Variants in ZNF33B observed in about 807,000 individuals in gnomAD.
The protein encoded by ZNF33B is zinc finger protein 33B, also known as zinc finger protein 11b (KOX 2).
Under a neutral mutation model 45.8 loss-of-function variants are expected in ZNF33B, and 29 were observed. That is an observed-to-expected ratio of 0.63 (90% CI 0.47 to 0.86). The LOEUF (loss-of-function observed/expected upper bound fraction) is 0.86. Among genes scored for constraint, ZNF33B ranks in the 40% least tolerant of loss-of-function variants. The pLI, the probability that ZNF33B is intolerant of heterozygous loss-of-function variation, is 0.00. For missense variants in ZNF33B, 831 were observed against 909.9 expected, an observed-to-expected ratio of 0.91 and a Z score of 1.12; for synonymous variants, 305 against 307.8, an observed-to-expected ratio of 0.99 and a Z score of 0.10.
At chr10:42,617,092 C>CTTTTTTTTTTTTTTTTT (rs199977911) in intron 4 of ZNF33B, among the ~76,000 whole-genome samples, 1 of 61,198 alleles carries the variant, frequency 1.6e-5, no homozygotes, top group Non-Finnish European at 3.1e-5. Flanking sequence ...CATTTTTTCT[C>CTTTTTTTTTTTTTTTTT]TTTTTTTTTT....
chr10:42,599,738 A>T (rs1479776984), intron 4 of ZNF33B, among the ~76,000 whole-genome samples: 2 of 152,072 alleles, frequency 1.3e-5, no homozygotes, highest in Non-Finnish European at 2.9e-5. Context: ...CTACCTTAAA[A>T]AGCTACAAAA....
chr10:42,608,630 A>AAT (rs1837965153), intron 4 of ZNF33B, among the ~76,000 whole-genome samples: 1 of 152,208 alleles, frequency 6.6e-6, no homozygotes, highest in South Asian at 2.1e-4. Flanking sequence ...CTTATGGAAC[A>AAT]CAGATAAAGC....
At chr10:42,635,014 A>G (rs1839223343) in intron 2 of ZNF33B, among the ~76,000 whole-genome samples, 1 of 152,216 alleles carries the variant, frequency 6.6e-6, no homozygotes, top group Non-Finnish European at 1.5e-5. Flanking sequence ...TGGGAAGCCA[A>G]GGCAGGCGAA....
chr10:42,580,964 A>G (rs1048665366), intron 1 of ZNF33B, among the ~76,000 whole-genome samples: 1 of 152,174 alleles, frequency 6.6e-6, no homozygotes, highest in Admixed American at 6.5e-5. Context: ...AAATAGCTGG[A>G]AAGATCACAA....
At chr10:42,635,162 G>C (rs904059381) in intron 2 of ZNF33B, among the ~76,000 whole-genome samples, 2 of 151,654 alleles carry the variant, frequency 1.3e-5, no homozygotes, top group Non-Finnish European at 2.9e-5. Context: ...AATCCCTGGA[G>C]CCCTGAAGGC....
chr10:42,636,177 C>T (rs1381192518), intron 2 of ZNF33B, among the ~76,000 whole-genome samples: 1 of 152,076 alleles, frequency 6.6e-6, no homozygotes, highest in African/African-American at 2.4e-5. Flanking sequence ...TTTTAACTTA[C>T]TGATCAAACA....
chr10:42,588,611 C>G (rs1313350816), downstream of ZNF33B, among the ~76,000 whole-genome samples: 2 of 152,206 alleles, frequency 1.3e-5, no homozygotes, highest in Admixed American at 6.5e-5. Context: ...CACCAACTCT[C>G]AGAAAGGTGA....
intron 4 of ZNF33B, chr10:42,614,288 A>C (rs1838222926): frequency 6.5e-6 from 1 of 154,866 alleles, no homozygotes; most frequent in African/African-American, 2.4e-5. Context: ...ATACCTCACC[A>C]GGATTCCTCC....
At chr10:42,630,979 G>A (rs957497030) in intron 4 of ZNF33B, among the ~76,000 whole-genome samples, 1 of 152,052 alleles carries the variant, frequency 6.6e-6, no homozygotes, top group Admixed American at 6.6e-5. Flanking sequence ...GCTAGCAGCT[G>A]CTATTACCCC....
At chr10:42,617,750 A>G (rs1479810923) in intron 4 of ZNF33B, among the ~76,000 whole-genome samples, 1 of 152,146 alleles carries the variant, frequency 6.6e-6, no homozygotes, top group Non-Finnish European at 1.5e-5. Flanking sequence ...TCTGTTCTCC[A>G]TCTCTATGCT....
At position 42,591,193 on chromosome 10, in the gene ZNF33B, G is replaced by T. The variant is rs1837106350; in HGVS notation, c.*1420C>A. On this transcript the variant is annotated 3_prime_UTR_variant, in exon 5 of 5. Transcript: ENST00000359467. ...TCCCTGTCTGGGTACAATGAGCAAT[G>T]AAATGACAGTCCAACAGCCCTGGGC... 4.1e-6 allele frequency: 3 copies of T among 736,954 alleles called. No individual in the cohort carries two copies. The highest frequency in any genetic ancestry group is 5.0e-6 in the Non-Finnish European group (3 of 603,698). The allele number at this position is 736,954 out of a possible 1,614,324, so 45.7% of individuals were successfully genotyped here. A position where few individuals can be genotyped will look rare whatever the true frequency, so the allele number is the denominator to read the frequency against.
rs757149666 is a variant in ZNF33B, at chr10:42,593,761, T to G, written c.1189A>C (p.Lys397Gln). The change falls in exon 5 of 5, where the codon AAG becomes CAG. Residue 397 changes from lysine (K) to glutamine (Q), a missense_variant. Transcript: ENST00000359467. ...CTCTGGTGTAATGTGAGGGCTGACT[T>G]ATGGCTAAAGGCTTTCCCACATTCA... is the stretch of plus-strand genomic sequence containing the variant. ...CNECGKAFSH[K>Q]SALTLHQRTH... 1 of 1,613,938 alleles carries G rather than the reference T, an allele frequency of 6.2e-7. No homozygotes were observed. Among genetic ancestry groups the G allele is most frequent in the South Asian group, 1.1e-5 (1 of 91,058 alleles).
rs1307386209 is a variant in ZNF33B, at chr10:42,592,415, A to C, written c.*198T>G. 1.2e-6 allele frequency: 1 copy of C among 814,242 alleles called. No individual in the cohort carries two copies. Among genetic ancestry groups the C allele is most frequent in the African/African-American group, 1.7e-5 (1 of 58,034 alleles). The allele number at this position is 814,242 out of a possible 1,614,324, so 50.4% of individuals were successfully genotyped here. ...TATTAACCATCTGATATTCAACAGA[A>C]TATCACTTCCTAACAAAAGCCATCC... is the stretch of plus-strand genomic sequence containing the variant. On this transcript the variant is annotated 3_prime_UTR_variant, in exon 5 of 5. Transcript: ENST00000359467.
In ZNF33B at chr10:42,626,841, T is replaced by C. The variant is rs142768637; in HGVS notation, c.250+5088A>G. On this transcript the variant is annotated intron_variant, in intron 4 of 4. Transcript: ENST00000359467. ...AGAACAACTCTCTAGTACACAGAAA[T>C]TGGTTTTTTGGAGGTTTTTTATTTA... 4.1e-3 allele frequency among the ~76,000 whole-genome samples: 626 copies of C among 152,196 alleles called. 2 individuals carry two copies. The highest frequency in any genetic ancestry group is 0.027 in the Middle Eastern group (8 of 294).
intron 4 of ZNF33B, chr10:42,605,405 A>G (rs1837800026): frequency 1.3e-5 from 2 of 152,164 alleles, no homozygotes; most frequent in African/African-American, 4.8e-5. Context: ...CAGAGACAGT[A>G]GAGGCCAGAA....
intron 4 of ZNF33B, among the ~76,000 whole-genome samples, chr10:42,620,122 A>T (rs1012387672): frequency 6.6e-6 from 1 of 151,476 alleles, no homozygotes; most frequent in African/African-American, 2.4e-5. Context: ...AGGCTGCGGC[A>T]TGAGAATTGC....
In ZNF33B at chr10:42,591,299, C is replaced by T. The variant is rs576039350; in HGVS notation, c.*1314G>A. The T allele has an allele frequency of 5.8e-5, 50 of 863,846 alleles. No individual in the cohort carries two copies. In the African/African-American group the frequency reaches 9.0e-4, roughly 16 times the overall value. 53.5% of individuals were successfully genotyped at this position (863,846 alleles called of 1,614,324 possible). ...TGCTTAAAGAAAATTTGGACTATCA[C>T]TTACGCTGAAGGCTGGAGTGTTCAC... On this transcript the variant is annotated 3_prime_UTR_variant, in exon 5 of 5. Coordinates refer to ENST00000359467, the MANE Select transcript of ZNF33B (RefSeq NM_006955.3).
chr10:42,582,915 T>G, intron 1 of ZNF33B: 1 of 496,308 alleles, frequency 2.0e-6, no homozygotes, highest in South Asian at 2.2e-5. Context: ...TGTTTCCAAA[T>G]TTGTTGCAGA....
intron 4 of ZNF33B, among the ~76,000 whole-genome samples, chr10:42,603,170 A>C (rs959079257): frequency 3.3e-5 from 5 of 152,198 alleles, no homozygotes; most frequent in Non-Finnish European, 4.4e-5. Context: ...AAAGCACAGT[A>C]TCACCCACCC....
Sources: gnomAD v4.1 joint callset for allele counts (sites outside exome capture counted in the v4.1 genomes callset) on GRCh38, gnomAD v4.1.1 for gene constraint, MANE v1.5 for transcripts, NCBI Gene and HGNC (gene_info 2026-07-23, HGNC 2026-07-21) for gene names.